Variants in TCF7L1 observed in about 807,000 individuals in gnomAD.
TCF7L1 encodes the protein transcription factor 7 like 1.
In TCF7L1, 18 loss-of-function variants were observed where a neutral mutation model predicts 63.7. The observed-to-expected ratio is 0.28, with a 90% CI of 0.20 to 0.42. TCF7L1 has a LOEUF of 0.42. Ranked by LOEUF, TCF7L1 falls within the 10% of genes least tolerant of loss-of-function variation. The pLI is 1.00. For missense variants in TCF7L1, 654 were observed against 779.3 expected (o/e 0.84, Z 1.91); for synonymous variants, 355 against 340.9 (o/e 1.04, Z -0.46).
At chr2:85,212,741 C>T (rs1019416111) in intron 3 of TCF7L1, among the ~76,000 whole-genome samples, 1 of 152,026 alleles carries the variant, frequency 6.6e-6, no homozygotes, top group African/African-American at 2.4e-5. Context: ...TCTTGGTGCA[C>T]GTCAGTATCT....
intron 3 of TCF7L1, among the ~76,000 whole-genome samples, chr2:85,169,935 A>G (rs1025848668): frequency 1.3e-5 from 2 of 152,176 alleles, no homozygotes; most frequent in African/African-American, 4.8e-5. Context: ...AGATAGTTAA[A>G]CTCATTTTGA....
intron 3 of TCF7L1, among the ~76,000 whole-genome samples, chr2:85,242,292 TA>T (rs1222147325): frequency 6.6e-6 from 1 of 152,206 alleles, no homozygotes; most frequent in Non-Finnish European, 1.5e-5. Flanking sequence ...CCACGTCACA[TA>T]AAGCCCCGGC....
chr2:85,187,934 C>T (rs1678961002), intron 3 of TCF7L1, among the ~76,000 whole-genome samples: 1 of 151,954 alleles, frequency 6.6e-6, no homozygotes, highest in Admixed American at 6.5e-5. Flanking sequence ...TATATCTATA[C>T]CATGGAATAC....
In TCF7L1 at chr2:85,134,982, A is replaced by G. The variant is rs1677557611; in HGVS notation, c.441+532A>G. 6.6e-6 allele frequency among the ~76,000 whole-genome samples: 1 copy of G among 152,074 alleles called. No individual in the cohort carries two copies. The highest frequency in any genetic ancestry group is 2.4e-5 in the African/African-American group (1 of 41,430). ...CAGCTTTTCTGCGGAGCTAGCTCCGAATTTTAAACTCGCGTAGATGATTTC... is the reference window on the plus strand; with the variant it reads ...CAGCTTTTCTGCGGAGCTAGCTCCGGATTTTAAACTCGCGTAGATGATTTC... On this transcript the variant is annotated intron_variant, in intron 3 of 11. Coordinates refer to ENST00000282111, the MANE Select transcript of TCF7L1 (RefSeq NM_031283.3). The surrounding 1 kb of genome is among the most constrained non-coding windows in gnomAD (Gnocchi z 5.0).
chr2:85,291,042 C>T (rs543401484), intron 4 of TCF7L1, among the ~76,000 whole-genome samples: 7 of 152,210 alleles, frequency 4.6e-5, no homozygotes, highest in African/African-American at 1.7e-4. Context: ...AGTCTGACAG[C>T]CTTCCTTCCC....
At chr2:85,150,774 T>C (rs1309682539) in intron 3 of TCF7L1, among the ~76,000 whole-genome samples, 2 of 152,236 alleles carry the variant, frequency 1.3e-5, no homozygotes, top group African/African-American at 4.8e-5. Context: ...TTACTACTTT[T>C]CTTCTTTGTA....
chr2:85,160,550 T>C (rs1007964288), intron 3 of TCF7L1, among the ~76,000 whole-genome samples: 3 of 152,084 alleles, frequency 2.0e-5, no homozygotes, highest in Non-Finnish European at 4.4e-5. Flanking sequence ...TTGGTACACC[T>C]TTTTTTAAAA....
rs575016325 is a variant in TCF7L1 at position 85,277,745 on chromosome 2, T to C, written c.442-5750T>C. Among the ~76,000 whole-genome samples the C allele has an allele frequency of 5.3e-5, 8 of 152,332 alleles. No individual in the cohort carries two copies. The East Asian group carries it at 1.5e-3, about 29-fold the overall frequency. The stretch of plus-strand genomic sequence containing the variant: ...TGTGCAGTTTTTGGAGCTGACTTGT[T>C]TTCCTTGCATGCAACTGTGGGGAGC... On this transcript the variant is annotated intron_variant, in intron 3 of 11. Coordinates refer to ENST00000282111, the MANE Select transcript of TCF7L1 (RefSeq NM_031283.3).
chr2:85,274,441 C>G (rs143774573), intron 3 of TCF7L1, among the ~76,000 whole-genome samples: 61 of 152,294 alleles, frequency 4.0e-4, no homozygotes, highest in African/African-American at 1.3e-3. Flanking sequence ...GGGGACATAC[C>G]TAGCCAAGTG....
At chr2:85,260,045 C>G (rs1408261897) in intron 3 of TCF7L1, among the ~76,000 whole-genome samples, 1 of 152,212 alleles carries the variant, frequency 6.6e-6, no homozygotes, top group Non-Finnish European at 1.5e-5. Context: ...AGGCTTATCT[C>G]CTTTCTCCAT....
chr2:85,276,346 C>G (rs186626458), intron 3 of TCF7L1, among the ~76,000 whole-genome samples: 4 of 152,296 alleles, frequency 2.6e-5, no homozygotes, highest in Non-Finnish European at 4.4e-5. Context: ...TACGTATTCT[C>G]GGCAGACTAA....
At chr2:85,154,265 G>A (rs1678089050) in intron 3 of TCF7L1, among the ~76,000 whole-genome samples, 1 of 152,210 alleles carries the variant, frequency 6.6e-6, no homozygotes, top group Non-Finnish European at 1.5e-5. Flanking sequence ...GCTGCTCTGA[G>A]AGGACACATG....
chr2:85,241,431 G>GTTTTTTTTT lies in TCF7L1; in HGVS notation c.442-42059_442-42058insTTTTTTTTT, dbSNP rs1273488175. Among the ~76,000 whole-genome samples, 115 of 68,772 alleles carry GTTTTTTTTT rather than the reference G, an allele frequency of 1.7e-3. 15 individuals carry two copies. Among genetic ancestry groups the GTTTTTTTTT allele is most frequent in the African/African-American group, 5.5e-3 (106 of 19,238 alleles). 45.1% of individuals were successfully genotyped at this position (68,772 alleles called of 152,430 possible). ...TGATCCAGAGGACTGGATGCACTTT[G>GTTTTTTTTT]TTTTTGTTTTTTTTTTTTTTTTTTT... is the stretch of plus-strand genomic sequence containing the variant. On this transcript the variant is annotated intron_variant, in intron 3 of 11. Transcript: ENST00000282111.
At chr2:85,228,843 A>G (rs11902445) in intron 3 of TCF7L1, among the ~76,000 whole-genome samples, 37,761 of 146,186 alleles carry the variant, frequency 0.26, 9,230 homozygotes, top group African/African-American at 0.65. Flanking sequence ...GTGAAACCCC[A>G]TCTCTCCTAA....
At chr2:85,244,528 A>C (rs1680415006) in intron 3 of TCF7L1, among the ~76,000 whole-genome samples, 1 of 152,088 alleles carries the variant, frequency 6.6e-6, no homozygotes, top group South Asian at 2.1e-4. Flanking sequence ...AAGAGTTAGG[A>C]ATGTCTCCTG....
At chr2:85,136,053 G>A (rs1677586436) in intron 3 of TCF7L1, among the ~76,000 whole-genome samples, 1 of 152,100 alleles carries the variant, frequency 6.6e-6, no homozygotes, top group South Asian at 2.1e-4. Flanking sequence ...TTGCGTATGG[G>A]GGAGAGTTAA....
chr2:85,298,502 AG>A (rs1407411019), intron 4 of TCF7L1, among the ~76,000 whole-genome samples: 28 of 127,058 alleles, frequency 2.2e-4, no homozygotes, highest in African/African-American at 8.5e-4. Flanking sequence ...AAAAAAAAAA[AG>A]CATGTGAGAG....
chr2:85,227,207 C>G (rs1049229480), intron 3 of TCF7L1, among the ~76,000 whole-genome samples: 2 of 152,162 alleles, frequency 1.3e-5, no homozygotes, highest in African/African-American at 4.8e-5. Flanking sequence ...TCTCTTCCTG[C>G]CCTCACCCCT....
chr2:85,304,064 C>A, intron 6 of TCF7L1, 67 bp downstream of exon 6: 1 of 1,363,556 alleles, frequency 7.3e-7, no homozygotes, highest in Non-Finnish European at 1.0e-6. Context: ...CTGTGCCCTG[C>A]GCGCCCTGCA....
Sources: allele counts gnomAD v4.1 joint callset (sites outside exome capture counted in the v4.1 genomes callset), GRCh38; gene constraint gnomAD v4.1.1; non-coding constraint Gnocchi (gnomAD v3.1); transcripts MANE v1.5; gene names NCBI Gene and HGNC (gene_info 2026-07-23, HGNC 2026-07-21).